Variants in ACOT8 observed in about 807,000 individuals in gnomAD.
ACOT8 encodes acyl-coenzyme A thioesterase 8.
Under a neutral mutation model 38.4 loss-of-function variants are expected in ACOT8, and 31 were observed. That is an observed-to-expected ratio of 0.81 (90% confidence interval 0.61 to 1.09). The LOEUF (loss-of-function observed/expected upper bound fraction) is 1.09. ACOT8 is among the 50% of genes least tolerant of loss of function. The pLI is 0.00. For missense variants in ACOT8, 373 were observed against 421.8 expected (o/e 0.88, Z 1.01); for synonymous variants, 158 against 170.3 (o/e 0.93, Z 0.56).
At chr20:45,850,415 A>T (rs1196858737) in intron 2 of ACOT8, among the ~76,000 whole-genome samples, 2 of 152,176 alleles carry the variant, frequency 1.3e-5, no homozygotes, top group African/African-American at 4.8e-5. Context: ...GGCTTGCTGG[A>T]CTGGTTGGTA....
intron 2 of ACOT8, chr20:45,849,095 T>C (rs902453195): frequency 6.3e-6 from 1 of 159,548 alleles, no homozygotes; most frequent in African/African-American, 2.4e-5. Flanking sequence ...GGGCTCTATA[T>C]GTGTTTGTTA....
At chr20:45,848,751 C>A in intron 2 of ACOT8, 76 bp from the exon 3 acceptor site, 1 of 1,267,472 alleles carries the variant, frequency 7.9e-7, no homozygotes, top group Non-Finnish European at 1.1e-6. Context: ...CTCTACTACT[C>A]ATCTTCCATT....
chr20:45,844,006 C>A, intron 4 of ACOT8: 2 of 788,020 alleles, frequency 2.5e-6, no homozygotes, highest in Non-Finnish European at 4.0e-6. Context: ...TTATAGTTAG[C>A]AGCAAAGCTG....
intron 3 of ACOT8, 112 bp from the exon 4 acceptor site, chr20:45,844,532 A>G (rs777950842): frequency 1.6e-4 from 203 of 1,264,150 alleles, no homozygotes; most frequent in Non-Finnish European, 2.2e-4. Context: ...GATATCCCCA[A>G]AGCTCCCCTC....
intron 4 of ACOT8, 166 bp from the exon 5 acceptor site, chr20:45,843,887 A>G: frequency 7.4e-7 from 1 of 1,355,836 alleles, no homozygotes; most frequent in Non-Finnish European, 9.8e-7. Context: ...TGAGATGGCG[A>G]CTTGGGGAGG....
At chr20:45,843,153 A>C in intron 5 of ACOT8, 1 of 692,124 alleles carries the variant, frequency 1.4e-6, no homozygotes, top group Non-Finnish European at 2.0e-6. Flanking sequence ...CCCAAATGGC[A>C]GTCTGATGGA....
Position 45,855,263 on chromosome 20 carries a change from C to T in ACOT8, c.158G>A (p.Arg53Lys). The T allele has an allele frequency of 6.2e-7, 1 of 1,614,168 alleles. No homozygotes were observed. Among genetic ancestry groups the T allele is most frequent in the South Asian group, 1.1e-5 (1 of 91,092 alleles). ...RGRHYWVPAKRLFGGQIVGQA... is the reference protein window; with the variant it reads ...RGRHYWVPAKKLFGGQIVGQA... ...GCCCACGATCTGACCACCAAACAGCCTCTTGGCCGGTACCCAGTAATGCCT... is the reference window on the plus strand; with the variant it reads ...GCCCACGATCTGACCACCAAACAGCTTCTTGGCCGGTACCCAGTAATGCCT... Residue 53 changes from arginine to lysine, a missense_variant, in exon 2 of 6, where the codon AGG (arginine) becomes AAG (lysine). Transcript: ENST00000217455.
intron 3 of ACOT8, chr20:45,847,702 C>T (rs1203427056): frequency 6.6e-6 from 1 of 150,842 alleles, no homozygotes; most frequent in Non-Finnish European, 1.5e-5. Context: ...TGCACTCCAG[C>T]CTGGGCAACA....
At chr20:45,845,174 C>T (rs1321790689) in intron 3 of ACOT8, among the ~76,000 whole-genome samples, 2 of 152,112 alleles carry the variant, frequency 1.3e-5, no homozygotes, top group African/African-American at 4.8e-5. Context: ...CTGCAACCTC[C>T]GCCTCCCAGG....
intron 3 of ACOT8, among the ~76,000 whole-genome samples, chr20:45,847,386 A>G (rs1311592964): frequency 6.6e-6 from 1 of 151,970 alleles, no homozygotes; most frequent in African/African-American, 2.4e-5. Flanking sequence ...GGTGGTACTT[A>G]ACAAGTGGTT....
At position 45,843,550 on chromosome 20, in the gene ACOT8, T is replaced by C. The variant is rs746146702; in HGVS notation, c.818A>G (p.Tyr273Cys). The part of the protein sequence containing the change: ...APFRADHWML[Y>C]ECESPWAGGS... ...ACCGGCCCAGGGGCTCTCGCATTCA[T>C]AGAGCATCCAGTGGTCAGCTCGGAA... Residue 273 changes from tyrosine (Y) to cysteine (C), a missense_variant, in exon 5 of 6, where the codon TAT becomes TGT. Coordinates refer to ENST00000217455, the MANE Select transcript of ACOT8 (RefSeq NM_005469.4). 5 of 1,609,992 alleles carry C rather than the reference T, an allele frequency of 3.1e-6. No individual in the cohort carries two copies. The African/African-American group carries it at 5.3e-5, about 17-fold the overall frequency.
chr20:45,855,204 CA>C lies in ACOT8; in HGVS notation c.216del (p.Ser72ArgfsTer41). On this transcript the variant is annotated frameshift_variant, in exon 2 of 6. Transcript: ENST00000217455. LOFTEE classifies it high-confidence loss of function. Reference sequence around the variant, plus strand: ...TGCAGGGAGTGCACGTGGACGTCTTCACTCACAGACTTGGCTGCAGCCACCA... The same window carrying C: ...TGCAGGGAGTGCACGTGGACGTCTTCCTCACAGACTTGGCTGCAGCCACCA... ...QALVAAAKSV[S>X]EDVHVHSLHC... is the part of the protein sequence containing the mutation. The C allele has an allele frequency of 1.2e-6, 2 of 1,614,174 alleles. No individual in the cohort carries two copies. The highest frequency in any genetic ancestry group is 1.7e-6 in the Non-Finnish European group (2 of 1,180,030).
At chr20:45,847,963 G>GTTTTTATAGAGTTTT (rs1984795024) in intron 3 of ACOT8, 1 of 151,554 alleles carries the variant, frequency 6.6e-6, no homozygotes, top group African/African-American at 2.4e-5. Context: ...TTTTTATAGA[G>GTTTTTATAGAGTTTT]ACAGGGTTTC....
chr20:45,853,252 C>G (rs1985180121), intron 2 of ACOT8, among the ~76,000 whole-genome samples: 1 of 152,204 alleles, frequency 6.6e-6, no homozygotes, highest in South Asian at 2.1e-4. Context: ...GTTTGGCACT[C>G]AAAGACACAT....
At chr20:45,844,502 A>G in intron 3 of ACOT8, 82 bp from the exon 4 acceptor site, 4 of 1,490,400 alleles carry the variant, frequency 2.7e-6, no homozygotes, top group Non-Finnish European at 3.7e-6. Flanking sequence ...GACTCCCCTC[A>G]TTCTTCCACA....
chr20:45,843,449 G>A (rs1261985966), intron 5 of ACOT8, 78 bp downstream of exon 5: 1 of 1,536,418 alleles, frequency 6.5e-7, no homozygotes, highest in Non-Finnish European at 8.8e-7. Context: ...CAGGAAGTCG[G>A]GAAATCAGCA....
In ACOT8 at chr20:45,855,293, C is replaced by T; in HGVS notation, c.129-1G>A. On this transcript the variant is annotated splice_acceptor_variant, in intron 1 of 5. Coordinates refer to ENST00000217455, the MANE Select transcript of ACOT8 (RefSeq NM_005469.4). LOFTEE classifies it high-confidence loss of function. ...GGCCGGTACCCAGTAATGCCTTCCT[C>T]TGTAGGGAGAGGGGGAAAGAGGGAA... 1.2e-6 allele frequency: 2 copies of T among 1,614,036 alleles called. No individual in the cohort carries two copies. Among genetic ancestry groups the T allele is most frequent in the Non-Finnish European group, 1.7e-6 (2 of 1,180,008 alleles).
At chr20:45,856,094 T>C (rs1344418189) in intron 1 of ACOT8, among the ~76,000 whole-genome samples, 1 of 152,070 alleles carries the variant, frequency 6.6e-6, no homozygotes, top group African/African-American at 2.4e-5. Flanking sequence ...TGGGGCCTCA[T>C]GTCTACTAAA....
At chr20:45,844,144 C>T in intron 4 of ACOT8, 119 bp downstream of exon 4, 4 of 1,390,450 alleles carry the variant, frequency 2.9e-6, no homozygotes, top group Non-Finnish European at 3.0e-6. Flanking sequence ...GCCAACTTCC[C>T]CATCATGCAG....
Sources: allele counts gnomAD v4.1 joint callset (sites outside exome capture counted in the v4.1 genomes callset), GRCh38; gene constraint gnomAD v4.1.1; transcripts MANE v1.5; gene names NCBI Gene and HGNC (gene_info 2026-07-23, HGNC 2026-07-21).